MEX3C: variants seen among roughly 807,000 people sequenced by gnomAD.
MEX3C encodes the protein mex-3 RNA binding family member C.
A neutral mutation model predicts 35.5 loss-of-function variants in MEX3C; 15 were observed. That is an observed-to-expected ratio of 0.42 (90% CI 0.28 to 0.65). The LOEUF (loss-of-function observed/expected upper bound fraction) is 0.65, where lower values mean the gene tolerates loss of function less well. MEX3C is among the 30% of genes least tolerant of loss of function. MEX3C has a pLI of 0.20. For missense variants in MEX3C, 711 were observed against 842.8 expected (o/e 0.84, Z 1.94); for synonymous variants, 390 against 352.8 (o/e 1.11, Z -1.18).
At chr18:51,192,786 C>G (rs1912679307) in intron 1 of MEX3C, 1 of 152,168 alleles carries the variant, frequency 6.6e-6, no homozygotes, top group Admixed American at 6.5e-5. Flanking sequence ...TTCTACCTCT[C>G]TAAACGGCAG....
rs988465056 is a variant in MEX3C, at chr18:51,175,941, T to C, written c.*410A>G. ...TGTAAAGAAGGCAGCACTGGAAGTG[T>C]ATGAATCGTCTGTAATGCCAAGTAC... On this transcript the variant is annotated 3_prime_UTR_variant, in exon 2 of 2. Transcript: ENST00000406189. 1.3e-5 allele frequency: 2 copies of C among 157,950 alleles called. No homozygotes were observed. Among genetic ancestry groups the C allele is most frequent in the African/African-American group, 4.8e-5 (2 of 41,624 alleles). The allele number at this position is 157,950 out of a possible 1,614,324, so 9.8% of individuals were successfully genotyped here.
intron 1 of MEX3C, among the ~76,000 whole-genome samples, chr18:51,187,589 A>T (rs1326639512): frequency 1.3e-5 from 2 of 152,090 alleles, no homozygotes; most frequent in African/African-American, 4.8e-5. Flanking sequence ...TCCCCTAAAA[A>T]CACATCATTT....
At position 51,196,914 on chromosome 18, in the gene MEX3C, T is replaced by C. The variant is rs1298832937; in HGVS notation, c.407A>G (p.Glu136Gly). Residue 136 changes from glutamate (E) to glycine (G), a missense_variant, in exon 1 of 2, where the codon GAG (glutamate) becomes GGG (glycine). Physicochemically the swap from Glu to Gly is moderately conservative, Grantham distance 98. This residue lies in a region of MEX3C where 354 missense variants were observed against 311.6 expected (regional missense o/e 1.14). Transcript: ENST00000406189. ...CAGCAGCAGCAGCGACGACCGGTCCTCCTCCTCTGCTTCCTCCAGCTCCTC... is the reference window on the plus strand; with the variant it reads ...CAGCAGCAGCAGCGACGACCGGTCCCCCTCCTCTGCTTCCTCCAGCTCCTC... ...EEEELEEAEE[E>G]DRSSLLLLSP... 6.5e-7 allele frequency: 1 copy of C among 1,543,374 alleles called. No homozygotes were observed. Among genetic ancestry groups the C allele is most frequent in the Admixed American group, 2.0e-5 (1 of 50,874 alleles).
Position 51,177,562 on chromosome 18 carries a change from C to CT in MEX3C, c.768dup (p.Ala257SerfsTer17). ...TACGTGTTTGTCTTGGCTCTCAGTG[C>CT]TTTAATTTTACAACCTGTTAGAAAG... is the stretch of plus-strand genomic sequence containing the variant. On this transcript the variant is annotated frameshift_variant, in exon 2 of 2. Transcript: ENST00000406189. LOFTEE classifies it high-confidence loss of function. The surrounding 1 kb of genome is among the most constrained non-coding windows in gnomAD (Gnocchi z 4.2). 6.3e-7 allele frequency: 1 copy of CT among 1,596,582 alleles called. No homozygotes were observed. Among genetic ancestry groups the CT allele is most frequent in the Non-Finnish European group, 8.5e-7 (1 of 1,173,498 alleles).
chr18:51,189,206 T>C (rs1912603406), intron 1 of MEX3C, among the ~76,000 whole-genome samples: 1 of 152,204 alleles, frequency 6.6e-6, no homozygotes, highest in African/African-American at 2.4e-5. Flanking sequence ...AGATAAAACA[T>C]ATCATAAACT....
chr18:51,182,561 C>T (rs1348343501), intron 1 of MEX3C, among the ~76,000 whole-genome samples: 4 of 152,172 alleles, frequency 2.6e-5, no homozygotes, highest in Non-Finnish European at 4.4e-5. Context: ...AACCCATTTT[C>T]CTTTCCTACA....
intron 1 of MEX3C, among the ~76,000 whole-genome samples, chr18:51,178,101 T>C (rs1454623663): frequency 6.6e-6 from 1 of 151,868 alleles, no homozygotes; most frequent in Non-Finnish European, 1.5e-5. Flanking sequence ...GAATTATGAA[T>C]AGGTGAGACA....
At chr18:51,195,262 C>T (rs1230118071) in intron 1 of MEX3C, 1 of 152,188 alleles carries the variant, frequency 6.6e-6, no homozygotes, top group African/African-American at 2.4e-5. Flanking sequence ...GAATCTGAAA[C>T]TCATTAACCA....
intron 1 of MEX3C, among the ~76,000 whole-genome samples, chr18:51,191,901 G>A (rs1190687349): frequency 6.6e-6 from 1 of 152,120 alleles, no homozygotes; most frequent in African/African-American, 2.4e-5. Flanking sequence ...ACTGTCACAG[G>A]CAGTTTGGTG....
At chr18:51,193,084 T>C (rs978624423) in intron 1 of MEX3C, 5 of 152,156 alleles carry the variant, frequency 3.3e-5, no homozygotes, top group African/African-American at 9.7e-5. Flanking sequence ...GGAAGACAAA[T>C]TGAAACAGTG....
chr18:51,181,025 C>G (rs1407374055), intron 1 of MEX3C, among the ~76,000 whole-genome samples: 3 of 152,098 alleles, frequency 2.0e-5, no homozygotes, highest in Admixed American at 6.5e-5. Flanking sequence ...GTGACACAAA[C>G]TAAAGGAGAA....
At position 51,197,250 on chromosome 18, in the gene MEX3C, GGCGGGGGCGGCT is replaced by G; in HGVS notation, c.59_70del (p.Gln20_Pro23del). On this transcript the variant is annotated inframe_deletion, in exon 1 of 2. Transcript: ENST00000406189. ...CAGAGGCGGCGGTGGCGGCGGCGGC[GGCGGGGGCGGCT>G]GCGGCAGGGGGGCCGGGGCCGCCGC... The G allele has an allele frequency of 1.0e-6, 1 of 963,884 alleles. No individual in the cohort carries two copies. Among genetic ancestry groups the G allele is most frequent in the Non-Finnish European group, 1.2e-6 (1 of 812,220 alleles). 59.7% of individuals were successfully genotyped at this position (963,884 alleles called of 1,614,324 possible).
chr18:51,196,403 G>A lies in MEX3C; in HGVS notation c.754+164C>T, dbSNP rs987327879. On this transcript the variant is annotated intron_variant, in intron 1 of 1. Transcript: ENST00000406189. The stretch of plus-strand genomic sequence containing the variant: ...GGAAAAGCGTGGGTTTTCGCAAGGT[G>A]ACCCATCTTCACATCTGGTCGACCC... The A allele has an allele frequency of 8.7e-6, 12 of 1,385,650 alleles. No homozygotes were observed. The African/African-American group carries it at 1.7e-4, about 19-fold the overall frequency. 85.8% of individuals were successfully genotyped at this position (1,385,650 alleles called of 1,614,324 possible).
At position 51,177,159 on chromosome 18, in the gene MEX3C, A is replaced by T; in HGVS notation, c.1172T>A (p.Ile391Asn). ...TATATAGTTTCCTGTACGCATGGCAATATGCATTTCTATTTCTTCCCGTGC... is the reference window on the plus strand; with the variant it reads ...TATATAGTTTCCTGTACGCATGGCATTATGCATTTCTATTTCTTCCCGTGC... ...DRAREEIEMH[I>N]AMRTGNYIEL... The change falls in exon 2 of 2, where the codon ATT becomes AAT. Residue 391 changes from isoleucine (I) to asparagine (N), a missense_variant. Around this residue, in one of 4 missense-constraint regions of MEX3C, gnomAD observed 187 missense variants for 201.7 expected, o/e 0.93. Coordinates refer to ENST00000406189, the MANE Select transcript of MEX3C (RefSeq NM_016626.5). The surrounding 1 kb of genome is among the most constrained non-coding windows in gnomAD (Gnocchi z 4.2). 6.2e-7 allele frequency: 1 copy of T among 1,613,818 alleles called. No individual in the cohort carries two copies. The highest frequency in any genetic ancestry group is 8.5e-7 in the Non-Finnish European group (1 of 1,179,894).
chr18:51,181,435 T>A lies in MEX3C; in HGVS notation c.755-3859A>T, dbSNP rs528651940. On this transcript the variant is annotated intron_variant, in intron 1 of 1. Coordinates refer to ENST00000406189, the MANE Select transcript of MEX3C (RefSeq NM_016626.5). ...TACAAATGGCTCTGAAGATGGAAAT[T>A]CCCATTTTCAAGGGAACTGACCTAT... 2.6e-4 allele frequency among the ~76,000 whole-genome samples: 40 copies of A among 152,282 alleles called. 1 individual carries two copies. In the South Asian group the frequency reaches 7.3e-3, roughly 28 times the overall value.
intron 1 of MEX3C, among the ~76,000 whole-genome samples, chr18:51,188,681 T>C (rs1912591484): frequency 6.6e-6 from 1 of 151,434 alleles, no homozygotes; most frequent in South Asian, 2.1e-4. Flanking sequence ...GAAAGTACAA[T>C]GATATAAACA....
At chr18:51,183,594 A>C (rs2144551811) in intron 1 of MEX3C, among the ~76,000 whole-genome samples, 1 of 152,328 alleles carries the variant, frequency 6.6e-6, no homozygotes, top group East Asian at 1.9e-4. Context: ...GGGACTTTGC[A>C]AATATAATTA....
rs776333741 is a variant in MEX3C at position 51,177,385 on chromosome 18, C to G, written c.946G>C (p.Gly316Arg). Reference protein sequence around the residue: ...SRNKNGPALGGLSCSPNLPGQ... With the variant: ...SRNKNGPALGRLSCSPNLPGQ... ...GGCAGATTAGGACTACATGATAATC[C>G]TCCCAGGGCAGGCCCATTTTTGTTT... Residue 316 changes from glycine (G) to arginine (R), a missense_variant, in exon 2 of 2, where the codon GGA becomes CGA. Gly to Arg is a moderately radical substitution (Grantham distance 125). Coordinates refer to ENST00000406189, the MANE Select transcript of MEX3C (RefSeq NM_016626.5). The surrounding 1 kb of genome is among the most constrained non-coding windows in gnomAD (Gnocchi z 4.2). The G allele has an allele frequency of 1.9e-6, 3 of 1,613,942 alleles. No homozygotes were observed. The South Asian group carries it at 3.3e-5, about 18-fold the overall frequency.
rs182498132 is a variant in MEX3C, at chr18:51,176,325, T to C, written c.*26A>G. On this transcript the variant is annotated 3_prime_UTR_variant, in exon 2 of 2. Transcript: ENST00000406189. ...ATGCCTTTACGAGTCCATATAGAGA[T>C]ATAGTATTTATGTATATATATATAG... The C allele has an allele frequency of 9.2e-5, 143 of 1,561,042 alleles. No homozygotes were observed. In the African/African-American group the frequency reaches 1.6e-3, roughly 18 times the overall value.
Sources: allele counts gnomAD v4.1 joint callset (sites outside exome capture counted in the v4.1 genomes callset), GRCh38; gene constraint gnomAD v4.1.1; regional missense constraint gnomAD v4.1.1; non-coding constraint Gnocchi (gnomAD v3.1); transcripts MANE v1.5; gene names NCBI Gene and HGNC (gene_info 2026-07-23, HGNC 2026-07-21).